The following TSC22D1 variants were observed in gnomAD, a reference collection of about 807,000 sequenced individuals.
TSC22D1 encodes the protein TSC22 domain family member 1, also known as TSC22 domain family protein 1.
A neutral mutation model predicts 74.2 loss-of-function variants in TSC22D1; 9 were observed. The ratio of observed to expected loss-of-function variants is 0.12; its 90% CI spans 0.07 to 0.21. TSC22D1 has a LOEUF of 0.21. Among genes scored for constraint, TSC22D1 ranks in the 10% least tolerant of loss-of-function variants. The pLI is 1.00. For synonymous variants in TSC22D1, 586 were observed against 492.5 expected (o/e 1.19, Z -2.51); for missense variants, 1,427 against 1,304.7 (o/e 1.09, Z -1.44).
chr13:44,488,197 T>A (rs988177902), intron 1 of TSC22D1, among the ~76,000 whole-genome samples: 1 of 152,240 alleles, frequency 6.6e-6, no homozygotes, highest in African/African-American at 2.4e-5. Flanking sequence ...AGCACTCTAC[T>A]GGTAACTGAA....
At chr13:44,521,162 G>A (rs1208638013) in intron 1 of TSC22D1, among the ~76,000 whole-genome samples, 1 of 152,088 alleles carries the variant, frequency 6.6e-6, no homozygotes, top group Non-Finnish European at 1.5e-5. Flanking sequence ...CAATACAGAT[G>A]GATGGTTTCT....
At chr13:44,563,624 TA>T (rs1398324862) in intron 1 of TSC22D1, among the ~76,000 whole-genome samples, 1 of 152,186 alleles carries the variant, frequency 6.6e-6, no homozygotes, top group Non-Finnish European at 1.5e-5. Flanking sequence ...TTTTTATTAA[TA>T]TTCTCCCACC....
chr13:44,530,796 G>T (rs1024615894), intron 1 of TSC22D1, among the ~76,000 whole-genome samples: 13 of 152,084 alleles, frequency 8.5e-5, no homozygotes, highest in African/African-American at 2.9e-4. Flanking sequence ...AAAACAATGA[G>T]ATACCACTAC....
chr13:44,554,703 C>T (rs377047106), intron 1 of TSC22D1, among the ~76,000 whole-genome samples: 1 of 148,898 alleles, frequency 6.7e-6, no homozygotes, highest in East Asian at 1.9e-4. Context: ...GCTTAAACTA[C>T]CTTAGGTAAT....
chr13:44,518,238 A>C (rs779928445), intron 1 of TSC22D1, among the ~76,000 whole-genome samples: 1 of 152,084 alleles, frequency 6.6e-6, no homozygotes, highest in Non-Finnish European at 1.5e-5. Context: ...GAAGTTAAAC[A>C]TCTCAGAAGT....
chr13:44,566,664 C>T (rs570418042), intron 1 of TSC22D1, among the ~76,000 whole-genome samples: 2 of 152,210 alleles, frequency 1.3e-5, no homozygotes, highest in South Asian at 4.2e-4. Context: ...CACTCCTTCC[C>T]TAAAACCCCA....
rs143206384 is a variant in TSC22D1 at position 44,551,467 on chromosome 13, C to G, written c.2912+21696G>C. Among the ~76,000 whole-genome samples the G allele has an allele frequency of 3.8e-3, 582 of 151,336 alleles. 5 individuals are homozygous for G. The highest frequency in any genetic ancestry group is 0.017 in the Middle Eastern group (5 of 290). On this transcript the variant is annotated intron_variant, in intron 1 of 2. Transcript: ENST00000458659. ...GAGTCTCACTCTGTTGTTGCCCAGGCTGGAATGCAGTGGCACAATCTTAGC... is the reference window on the plus strand; with the variant it reads ...GAGTCTCACTCTGTTGTTGCCCAGGGTGGAATGCAGTGGCACAATCTTAGC...
At chr13:44,494,766 CTG>C (rs1018340741) in intron 1 of TSC22D1, among the ~76,000 whole-genome samples, 9 of 152,102 alleles carry the variant, frequency 5.9e-5, no homozygotes, top group Admixed American at 2.0e-4. Context: ...TTAACAGAAA[CTG>C]TTCCTGACAT....
At chr13:44,536,935 A>G (rs1881169052) in intron 1 of TSC22D1, 1 of 794,878 alleles carries the variant, frequency 1.3e-6, no homozygotes, top group Non-Finnish European at 1.5e-6. Context: ...TGAAAAAAAA[A>G]AAAAAAAAAA....
chr13:44,433,226 A>C lies in TSC22D1; in HGVS notation c.*1400T>G, dbSNP rs1478929068. ...AGGACTCCTAGAATTTTAAAGCCAA[A>C]GGGGAATGTAAGAGATCATCTCTTT... On this transcript the variant is annotated 3_prime_UTR_variant, in exon 3 of 3. Coordinates refer to ENST00000458659, the MANE Select transcript of TSC22D1 (RefSeq NM_183422.4). 1 of 152,280 alleles carries C rather than the reference A, an allele frequency of 6.6e-6. No homozygotes were observed. The highest frequency in any genetic ancestry group is 1.5e-5 in the Non-Finnish European group (1 of 68,070). The allele number at this position is 152,280 out of a possible 1,614,324, so 9.4% of individuals were successfully genotyped here.
chr13:44,493,995 G>C (rs1878841369), intron 1 of TSC22D1, among the ~76,000 whole-genome samples: 1 of 152,010 alleles, frequency 6.6e-6, no homozygotes, highest in African/African-American at 2.4e-5. Context: ...CTTTGGGAGG[G>C]TGAGGAGGGA....
chr13:44,477,638 ATTTTT>A (rs35355914), intron 1 of TSC22D1, among the ~76,000 whole-genome samples: 1 of 125,388 alleles, frequency 8.0e-6, no homozygotes, highest in Non-Finnish European at 1.6e-5. Context: ...GTGCTCATAG[ATTTTT>A]TTTTTTTTTT....
rs776031014 is a variant in TSC22D1, at chr13:44,574,951, G to A, written c.1124C>T (p.Ser375Phe). 13 of 1,614,002 alleles carry A rather than the reference G, an allele frequency of 8.1e-6. No individual in the cohort carries two copies. Among genetic ancestry groups the A allele is most frequent in the Non-Finnish European group, 1.1e-5 (13 of 1,180,034 alleles). Reference protein sequence around the residue: ...SGMGNGTISSSAAVSSVPNAA... With the variant: ...SGMGNGTISSFAAVSSVPNAA... ...ATTAGGAACACTGCTAACAGCAGCAGAGGAAGAAATAGTACCATTGCCCAT... is the reference window on the plus strand; with the variant it reads ...ATTAGGAACACTGCTAACAGCAGCAAAGGAAGAAATAGTACCATTGCCCAT... The change falls in exon 1 of 3, where the codon TCT becomes TTT. Residue 375 changes from serine to phenylalanine, a missense_variant. Transcript: ENST00000458659.
At chr13:44,549,759 C>A (rs1441211692) in intron 1 of TSC22D1, among the ~76,000 whole-genome samples, 1 of 148,792 alleles carries the variant, frequency 6.7e-6, no homozygotes, top group Non-Finnish European at 1.5e-5. Context: ...AGGGCCAAAC[C>A]CTGCCTCAAA....
chr13:44,563,231 C>T (rs568923033), intron 1 of TSC22D1, among the ~76,000 whole-genome samples: 3 of 152,058 alleles, frequency 2.0e-5, no homozygotes, highest in Non-Finnish European at 4.4e-5. Context: ...GTTGTTACCC[C>T]CTTTTTCAAA....
At chr13:44,496,452 G>A (rs557449220) in intron 1 of TSC22D1, among the ~76,000 whole-genome samples, 2 of 152,248 alleles carry the variant, frequency 1.3e-5, no homozygotes, top group South Asian at 4.1e-4. Context: ...GGAGGCCGAG[G>A]CGGGTGGATC....
intron 1 of TSC22D1, among the ~76,000 whole-genome samples, chr13:44,518,715 T>C (rs1025424536): frequency 2.0e-5 from 3 of 152,182 alleles, no homozygotes; most frequent in Admixed American, 6.5e-5. Flanking sequence ...AGGAAAGACA[T>C]TGCGCTTTGA....
chr13:44,541,460 G>T (rs2138098809), intron 1 of TSC22D1, among the ~76,000 whole-genome samples: 1 of 152,126 alleles, frequency 6.6e-6, no homozygotes, highest in African/African-American at 2.4e-5. Flanking sequence ...AAAGAAAAAA[G>T]AAACTGGAAA....
At chr13:44,529,702 G>T (rs1880729822) in intron 1 of TSC22D1, among the ~76,000 whole-genome samples, 1 of 152,118 alleles carries the variant, frequency 6.6e-6, no homozygotes, top group Admixed American at 6.5e-5. Context: ...TCAAGGAAAA[G>T]ATTCCTGCAA....
Sources: gnomAD v4.1 joint callset for allele counts (sites outside exome capture counted in the v4.1 genomes callset) on GRCh38, gnomAD v4.1.1 for gene constraint, MANE v1.5 for transcripts, NCBI Gene and HGNC (gene_info 2026-07-23, HGNC 2026-07-21) for gene names.